Variants in LRP1B observed in about 807,000 individuals in gnomAD.
LRP1B encodes low-density lipoprotein receptor-related protein 1B.
In LRP1B, 217 loss-of-function variants were observed where a neutral mutation model predicts 556.6. That is an observed-to-expected ratio of 0.39 (90% CI 0.35 to 0.44). The LOEUF is 0.44. LRP1B is among the 20% of genes least tolerant of loss of function. The pLI, the probability that LRP1B is intolerant of heterozygous loss-of-function variation, is 1.00. For synonymous variants in LRP1B, 2,047 were observed against 1,865.8 expected (o/e 1.10, Z -2.50); for missense variants, 5,053 against 5,620.8 (o/e 0.90, Z 3.23).
At position 140,889,854 on chromosome 2, in the gene LRP1B, G is replaced by A. The variant is rs140311515; in HGVS notation, c.3767-3519C>T. The stretch of plus-strand genomic sequence containing the variant: ...AGTTTGTATTTCTACAACTATTTTG[G>A]AGACATATTTGGCTATAATAGACTT... On this transcript the variant is annotated intron_variant, in intron 23 of 90. Transcript: ENST00000389484. 4.8e-3 allele frequency among the ~76,000 whole-genome samples: 735 copies of A among 152,240 alleles called. 2 individuals are homozygous for A. The highest frequency in any genetic ancestry group is 9.0e-3 in the Admixed American group (137 of 15,294).
At chr2:140,557,594 C>T (rs967907081) in intron 43 of LRP1B, among the ~76,000 whole-genome samples, 4 of 152,040 alleles carry the variant, frequency 2.6e-5, no homozygotes, top group Admixed American at 1.3e-4. Flanking sequence ...TACTGTGCTC[C>T]CCTATGCTCT....
intron 3 of LRP1B, among the ~76,000 whole-genome samples, chr2:141,319,277 A>G (rs1485739041): frequency 6.7e-6 from 1 of 149,060 alleles, no homozygotes; most frequent in Non-Finnish European, 1.5e-5. Flanking sequence ...TCAGGCACAT[A>G]ATGTAGTCTC....
chr2:141,140,741 C>T (rs1001778854), intron 7 of LRP1B, among the ~76,000 whole-genome samples: 1 of 152,130 alleles, frequency 6.6e-6, no homozygotes, highest in Non-Finnish European at 1.5e-5. Flanking sequence ...GTTGTTTAAG[C>T]CACCAGCCTT....
At chr2:140,888,134 G>T (rs760252443) in intron 23 of LRP1B, among the ~76,000 whole-genome samples, 5 of 152,002 alleles carry the variant, frequency 3.3e-5, no homozygotes, top group Non-Finnish European at 7.4e-5. Flanking sequence ...AACAGTCCAG[G>T]TTCCATATAT....
intron 12 of LRP1B, among the ~76,000 whole-genome samples, chr2:141,016,213 G>T (rs1697895731): frequency 6.6e-6 from 1 of 151,996 alleles, no homozygotes; most frequent in Admixed American, 6.6e-5. Flanking sequence ...TATTTTTGGG[G>T]GCTGTTGATA....
At chr2:141,655,718 T>C (rs1226200872) in intron 2 of LRP1B, among the ~76,000 whole-genome samples, 1 of 152,038 alleles carries the variant, frequency 6.6e-6, no homozygotes, top group African/African-American at 2.4e-5. Context: ...ACTTGAGAAA[T>C]CATGTAGAAT....
chr2:140,661,399 C>T (rs1441472), intron 41 of LRP1B, among the ~76,000 whole-genome samples: 116,842 of 151,572 alleles, frequency 0.77, 46,259 homozygotes, highest in Non-Finnish European at 0.88. Context: ...ATGGCTCATG[C>T]CTATAATCCC....
intron 35 of LRP1B, among the ~76,000 whole-genome samples, chr2:140,718,233 C>A (rs891151826): frequency 4.6e-5 from 7 of 151,996 alleles, no homozygotes; most frequent in Admixed American, 2.0e-4. Context: ...TGACAACTCC[C>A]CTTTCCACGG....
intron 3 of LRP1B, among the ~76,000 whole-genome samples, chr2:141,467,205 A>G (rs1682264420): frequency 6.6e-6 from 1 of 151,194 alleles, no homozygotes; most frequent in Non-Finnish European, 1.5e-5. Context: ...GGGGAATTAT[A>G]GCAGTCAGAA....
intron 1 of LRP1B, among the ~76,000 whole-genome samples, chr2:142,109,995 T>A (rs1426285169): frequency 6.6e-6 from 1 of 152,108 alleles, no homozygotes; most frequent in Non-Finnish European, 1.5e-5. Flanking sequence ...GAATGATATG[T>A]GTAGTATTAA....
At chr2:141,695,110 T>C (rs914231728) in intron 2 of LRP1B, among the ~76,000 whole-genome samples, 5 of 152,000 alleles carry the variant, frequency 3.3e-5, no homozygotes, top group African/African-American at 7.2e-5. Flanking sequence ...AGACTATCCC[T>C]CTCTTTCATG....
At chr2:141,163,410 CTGA>C (rs1210988010) in intron 7 of LRP1B, among the ~76,000 whole-genome samples, 2 of 152,032 alleles carry the variant, frequency 1.3e-5, no homozygotes, top group Non-Finnish European at 2.9e-5. Context: ...ATTCTACTGA[CTGA>C]TGATCATTTA....
chr2:140,979,150 T>C (rs2105339389), intron 18 of LRP1B, among the ~76,000 whole-genome samples: 1 of 152,176 alleles, frequency 6.6e-6, no homozygotes, highest in African/African-American at 2.4e-5. Context: ...GGCTTATTTT[T>C]GTATATTTAG....
At position 140,753,069 on chromosome 2, in the gene LRP1B, A is replaced by G. The variant is rs151083619; in HGVS notation, c.5758+16144T>C. 2.3e-3 allele frequency among the ~76,000 whole-genome samples: 356 copies of G among 152,260 alleles called. 4 individuals are homozygous for G. The highest frequency in any genetic ancestry group is 8.2e-3 in the African/African-American group (340 of 41,556). ...TCCCCCATCCCCTGGCAAACCATTG[A>G]TCTTTTTACTGTCTCCATAGTTTTA... is the stretch of plus-strand genomic sequence containing the variant. On this transcript the variant is annotated intron_variant, in intron 35 of 90. Coordinates refer to ENST00000389484, the MANE Select transcript of LRP1B (RefSeq NM_018557.3).
chr2:141,892,130 C>T (rs1311794914), intron 1 of LRP1B, among the ~76,000 whole-genome samples: 4 of 151,520 alleles, frequency 2.6e-5, no homozygotes, highest in Admixed American at 2.0e-4. Flanking sequence ...AACTGTATTT[C>T]AGATATATAA....
intron 77 of LRP1B, among the ~76,000 whole-genome samples, chr2:140,348,916 A>G (rs1244045287): frequency 6.6e-6 from 1 of 152,090 alleles, no homozygotes. Context: ...GTTTCATGGA[A>G]GACAATTTAC....
chr2:141,776,360 G>A (rs184487522), intron 2 of LRP1B, among the ~76,000 whole-genome samples: 5 of 152,266 alleles, frequency 3.3e-5, no homozygotes, highest in African/African-American at 9.6e-5. Flanking sequence ...AGGCATTTTG[G>A]CGAGAGCCAC....
chr2:140,301,661 C>A (rs1265844434), intron 83 of LRP1B, among the ~76,000 whole-genome samples: 1 of 151,758 alleles, frequency 6.6e-6, no homozygotes, highest in East Asian at 1.9e-4. Flanking sequence ...CCAGAATGCT[C>A]AATGTGAATG....
intron 3 of LRP1B, among the ~76,000 whole-genome samples, chr2:141,315,117 C>A (rs2105457881): frequency 6.6e-6 from 1 of 150,732 alleles, no homozygotes; most frequent in Middle Eastern, 3.4e-3. Flanking sequence ...TGAAGGAACA[C>A]AAATCTAGTC....
Sources: allele counts gnomAD v4.1 joint callset (sites outside exome capture counted in the v4.1 genomes callset), GRCh38; gene constraint gnomAD v4.1.1; transcripts MANE v1.5; gene names NCBI Gene and HGNC (gene_info 2026-07-23, HGNC 2026-07-21).